Variants in MYLK4 observed in about 807,000 individuals in gnomAD.
MYLK4 encodes caMLCK like.
In MYLK4, 46 loss-of-function variants were observed where a neutral mutation model predicts 48.1. That is an observed-to-expected ratio of 0.96 (90% CI 0.75 to 1.22). The LOEUF (loss-of-function observed/expected upper bound fraction) is 1.22. Among genes scored for constraint, MYLK4 ranks in the 50% most tolerant of loss-of-function variants. MYLK4 has a pLI of 0.00. For missense variants in MYLK4, 451 were observed against 486.1 expected (o/e 0.93, Z 0.68); for synonymous variants, 170 against 180.8 (o/e 0.94, Z 0.48).
At chr6:2,736,802 A>G (rs945573721) in intron 2 of MYLK4, among the ~76,000 whole-genome samples, 4 of 152,242 alleles carry the variant, frequency 2.6e-5, no homozygotes, top group Admixed American at 1.3e-4. Context: ...GTGGTTTGGC[A>G]TTTGACATAT....
chr6:2,726,922 T>G (rs1396566976), intron 2 of MYLK4, among the ~76,000 whole-genome samples: 1 of 152,182 alleles, frequency 6.6e-6, no homozygotes, highest in Non-Finnish European at 1.5e-5. Context: ...ACCTACTATA[T>G]AATTAACCAA....
chr6:2,706,593 G>T (rs1762497841), intron 2 of MYLK4, among the ~76,000 whole-genome samples: 1 of 152,144 alleles, frequency 6.6e-6, no homozygotes, highest in South Asian at 2.1e-4. Flanking sequence ...AGCACCTGTG[G>T]TATCGAAAGA....
chr6:2,756,860 T>C, the MYLK4 span, among the ~76,000 whole-genome samples: 2 of 152,244 alleles, frequency 1.3e-5, no homozygotes, highest in Non-Finnish European at 2.9e-5. Flanking sequence ...CATTTTCTAC[T>C]TTTAGGAACT....
chr6:2,667,852 G>A lies in MYLK4; in HGVS notation c.*73C>T, dbSNP rs1328671485. 4 of 152,576 alleles carry A rather than the reference G, an allele frequency of 2.6e-5. No individual in the cohort carries two copies. The highest frequency in any genetic ancestry group is 9.7e-5 in the African/African-American group (4 of 41,434). 9.5% of individuals were successfully genotyped at this position (152,576 alleles called of 1,614,324 possible). A position where few individuals can be genotyped will look rare whatever the true frequency, so the allele number is the denominator to read the frequency against. ...CAGGGGTCAAGGCATCAGAACTGCT[G>A]ATTTTTCAAAAAATTTTCTCGAAGC... On this transcript the variant is annotated 3_prime_UTR_variant, in exon 13 of 13. Coordinates refer to ENST00000274643, the MANE Select transcript of MYLK4 (RefSeq NM_001012418.5).
intron 2 of MYLK4, among the ~76,000 whole-genome samples, chr6:2,729,696 G>A (rs886991602): frequency 3.2e-4 from 48 of 152,176 alleles, no homozygotes; most frequent in Non-Finnish European, 6.3e-4. Flanking sequence ...GGGAGGGGGT[G>A]AAGGCCTCAT....
At chr6:2,678,514 T>C (rs1044005910) in intron 9 of MYLK4, 142 bp from the exon 10 acceptor site, 2 of 962,334 alleles carry the variant, frequency 2.1e-6, no homozygotes, top group African/African-American at 1.7e-5. Flanking sequence ...AACATATTAT[T>C]GTAATCAAGA....
upstream of MYLK4, among the ~76,000 whole-genome samples, chr6:2,753,688 A>C (rs1471523736): frequency 2.6e-5 from 4 of 152,200 alleles, no homozygotes; most frequent in Non-Finnish European, 5.9e-5. Context: ...TATATGACAA[A>C]ACATTCCAGT....
At chr6:2,687,821 G>C (rs1463674342) in intron 4 of MYLK4, among the ~76,000 whole-genome samples, 1 of 152,194 alleles carries the variant, frequency 6.6e-6, no homozygotes, top group Non-Finnish European at 1.5e-5. Context: ...GTAGCGATGC[G>C]TGCTTTCCTT....
intron 2 of MYLK4, among the ~76,000 whole-genome samples, chr6:2,717,480 G>A (rs959960759): frequency 6.6e-6 from 1 of 152,186 alleles, no homozygotes; most frequent in Non-Finnish European, 1.5e-5. Flanking sequence ...TGGGCGTTGG[G>A]AGATCCAGTT....
intron 2 of MYLK4, among the ~76,000 whole-genome samples, chr6:2,712,200 A>T (rs991665146): frequency 6.6e-6 from 1 of 152,222 alleles, no homozygotes; most frequent in Non-Finnish European, 1.5e-5. Context: ...GCTCATGTTC[A>T]GCAGAGGCCA....
rs752449129 is a variant in MYLK4, at chr6:2,685,444, G to A, written c.435+39C>T. ...AACAGTGCATTAGTGTGGTCAAGAT[G>A]GGGCGGGGAGGGAGGGGACCACCTC... On this transcript the variant is annotated intron_variant, in intron 5 of 12. Transcript: ENST00000274643. This position sits in a 1 kb window ranked among gnomAD's most constrained non-coding sequence, Gnocchi z 4.5. The A allele has an allele frequency of 1.3e-5, 21 of 1,604,144 alleles. No individual in the cohort carries two copies. The highest frequency in any genetic ancestry group is 5.4e-5 in the African/African-American group (4 of 74,666).
intron 2 of MYLK4, among the ~76,000 whole-genome samples, chr6:2,718,837 G>A (rs984293043): frequency 6.6e-6 from 1 of 152,234 alleles, no homozygotes. Flanking sequence ...TACTAGTCAT[G>A]TAATTTCTCA....
At chr6:2,698,176 G>A (rs891137443) in intron 2 of MYLK4, among the ~76,000 whole-genome samples, 3 of 152,350 alleles carry the variant, frequency 2.0e-5, no homozygotes, top group African/African-American at 7.2e-5. Context: ...TAGAAGAATG[G>A]AGGAGAACAA....
At chr6:2,737,020 T>C (rs1763700360) in intron 2 of MYLK4, among the ~76,000 whole-genome samples, 1 of 152,246 alleles carries the variant, frequency 6.6e-6, no homozygotes, top group Non-Finnish European at 1.5e-5. Flanking sequence ...ACGAAGCCTA[T>C]GTTGCTAAGT....
chr6:2,694,514 G>T (rs1254885651), intron 2 of MYLK4, among the ~76,000 whole-genome samples: 1 of 9,558 alleles, frequency 1.0e-4, no homozygotes, highest in African/African-American at 5.4e-4. Context: ...TGGTGGTGGC[G>T]GTGGTGGTGG....
At chr6:2,763,271 C>T in the MYLK4 span, among the ~76,000 whole-genome samples, 1 of 152,284 alleles carries the variant, frequency 6.6e-6, no homozygotes, top group Non-Finnish European at 1.5e-5. Flanking sequence ...CAGTTGGCTT[C>T]TCCCATTAAT....
At chr6:2,674,927 G>A in intron 11 of MYLK4, 120 bp downstream of exon 11, 1 of 823,796 alleles carries the variant, frequency 1.2e-6, no homozygotes, top group Non-Finnish European at 2.0e-6. Context: ...CACAAGATTT[G>A]CAGTCTGTGA....
chr6:2,761,287 G>A, the MYLK4 span, among the ~76,000 whole-genome samples: 3 of 152,020 alleles, frequency 2.0e-5, no homozygotes, highest in Admixed American at 6.6e-5. Flanking sequence ...GGTATTAAAG[G>A]AGAAAATGGA....
rs145654923 is a variant in MYLK4, at chr6:2,726,565, A to C, written c.159+22571T>G. Reference sequence around the variant, plus strand: ...GTGAGAAGCCAGGGAACTCCAAACTAAAGTAGCTCCCACATCCTTAGCTGT... The same window carrying C: ...GTGAGAAGCCAGGGAACTCCAAACTCAAGTAGCTCCCACATCCTTAGCTGT... On this transcript the variant is annotated intron_variant, in intron 2 of 12. Coordinates refer to ENST00000274643, the MANE Select transcript of MYLK4 (RefSeq NM_001012418.5). Among the ~76,000 whole-genome samples the C allele has an allele frequency of 2.8e-4, 43 of 152,178 alleles. No homozygotes were observed. In the East Asian group the frequency reaches 7.7e-3, roughly 27 times the overall value.
Sources: gnomAD v4.1 joint callset for allele counts (sites outside exome capture counted in the v4.1 genomes callset) on GRCh38, gnomAD v4.1.1 for gene constraint, Gnocchi (gnomAD v3.1) non-coding constraint, MANE v1.5 for transcripts, NCBI Gene and HGNC (gene_info 2026-07-23, HGNC 2026-07-21) for gene names.